Variants in KCTD16 observed in about 807,000 individuals in gnomAD.
The protein encoded by KCTD16 is potassium channel tetramerization domain containing 16, also known as BTB/POZ domain-containing protein KCTD16.
KCTD16 carries 13 observed loss-of-function variants against 33.2 expected under a neutral mutation model. The ratio of observed to expected loss-of-function variants is 0.39; its 90% CI spans 0.25 to 0.62. KCTD16 has a LOEUF of 0.62. Among genes scored for constraint, KCTD16 ranks in the 20% least tolerant of loss-of-function variants. KCTD16 has a pLI of 0.50. For synonymous variants in KCTD16, 197 were observed against 195.3 expected, an observed-to-expected ratio of 1.01 and a Z score of -0.07; for missense variants, 441 against 525.1, an observed-to-expected ratio of 0.84 and a Z score of 1.57.
intron 3 of KCTD16, among the ~76,000 whole-genome samples, chr5:144,391,222 C>T (rs759038979): frequency 5.5e-4 from 84 of 152,298 alleles, no homozygotes; most frequent in Non-Finnish European, 7.1e-4. Flanking sequence ...TATGTAACTC[C>T]TACCAAGCAC....
chr5:144,258,350 G>C (rs1754909328), intron 3 of KCTD16, among the ~76,000 whole-genome samples: 1 of 151,458 alleles, frequency 6.6e-6, no homozygotes, highest in African/African-American at 2.4e-5. Flanking sequence ...GTATAATATA[G>C]AGTACAGTTA....
chr5:144,218,607 C>G (rs922430459), intron 3 of KCTD16, among the ~76,000 whole-genome samples: 38 of 151,990 alleles, frequency 2.5e-4, no homozygotes, highest in African/African-American at 8.9e-4. Flanking sequence ...AGTGCTTTAG[C>G]CAAATCAGAG....
At chr5:144,416,423 A>C (rs73296040) in intron 3 of KCTD16, among the ~76,000 whole-genome samples, 1 of 152,054 alleles carries the variant, frequency 6.6e-6, no homozygotes, top group Non-Finnish European at 1.5e-5. Flanking sequence ...TCATTCTGAG[A>C]GTTTCTGAAG....
chr5:144,369,303 C>T (rs1428366761), intron 3 of KCTD16: 1 of 151,726 alleles, frequency 6.6e-6, no homozygotes, highest in African/African-American at 2.4e-5. Context: ...CCTGGTTTGG[C>T]TATTCACCCT....
At position 144,338,877 on chromosome 5, in the gene KCTD16, T is replaced by C. The variant is rs891311241; in HGVS notation, c.832+131331T>C. On this transcript the variant is annotated intron_variant, in intron 3 of 3. Coordinates refer to ENST00000512467, the MANE Select transcript of KCTD16 (RefSeq NM_020768.4). ...TCAGATTCTCCTCACTTTTATGAGA[T>C]CCTTTGGAACCAGAGAAAAGGGGCA... 2.0e-5 allele frequency among the ~76,000 whole-genome samples: 3 copies of C among 152,240 alleles called. No individual in the cohort carries two copies. In the East Asian group the frequency reaches 5.8e-4, roughly 29 times the overall value.
At chr5:144,174,044 C>A (rs1361740726) in intron 1 of KCTD16, among the ~76,000 whole-genome samples, 1 of 151,980 alleles carries the variant, frequency 6.6e-6, no homozygotes, top group Admixed American at 6.6e-5. Context: ...AAAGCCTCAC[C>A]CTAGGTCAAG....
chr5:144,236,093 T>G (rs1238931372), intron 3 of KCTD16, among the ~76,000 whole-genome samples: 1 of 152,134 alleles, frequency 6.6e-6, no homozygotes, highest in Non-Finnish European at 1.5e-5. Context: ...TTTTCCTGCA[T>G]GCTAGGAACT....
chr5:144,385,496 A>G (rs1752304211), intron 3 of KCTD16, among the ~76,000 whole-genome samples: 1 of 152,174 alleles, frequency 6.6e-6, no homozygotes, highest in Non-Finnish European at 1.5e-5. Context: ...AAGGGACCAA[A>G]TATGGACCAT....
chr5:144,309,931 A>C (rs1264240581), intron 3 of KCTD16, among the ~76,000 whole-genome samples: 2 of 152,092 alleles, frequency 1.3e-5, no homozygotes, highest in Non-Finnish European at 2.9e-5. Flanking sequence ...ACATGGTGTC[A>C]TTGTGTATAT....
rs1314627853 is a variant in KCTD16 at position 144,235,480 on chromosome 5, G to T, written c.832+27934G>T. 2.0e-5 allele frequency among the ~76,000 whole-genome samples: 3 copies of T among 152,008 alleles called. No individual in the cohort carries two copies. In the East Asian group the frequency reaches 5.8e-4, roughly 29 times the overall value. On this transcript the variant is annotated intron_variant, in intron 3 of 3. Transcript: ENST00000512467. ...TCATTCTACCATGCATTTCTTGCTT[G>T]ACCTTGTGCACACAAGTTACTTAAA...
chr5:144,439,151 G>T (rs1753644202), intron 3 of KCTD16: 1 of 167,546 alleles, frequency 6.0e-6, no homozygotes, highest in African/African-American at 2.4e-5. Flanking sequence ...TGGTGCTGCT[G>T]GGAGTTGCTT....
At chr5:144,467,728 A>G (rs1298253063) in intron 3 of KCTD16, among the ~76,000 whole-genome samples, 1 of 152,080 alleles carries the variant, frequency 6.6e-6, no homozygotes, top group African/African-American at 2.4e-5. Flanking sequence ...TTTAATTTTC[A>G]TTTCCTAGCT....
At chr5:144,270,811 A>T (rs1755272287) in intron 3 of KCTD16, among the ~76,000 whole-genome samples, 1 of 151,866 alleles carries the variant, frequency 6.6e-6, no homozygotes, top group African/African-American at 2.4e-5. Flanking sequence ...TACTCAAATT[A>T]CTAAAATCAG....
intron 3 of KCTD16, among the ~76,000 whole-genome samples, chr5:144,242,400 C>A (rs886239202): frequency 6.6e-6 from 1 of 152,000 alleles, no homozygotes. Flanking sequence ...AAATTATATA[C>A]TTTTTCCCTA....
rs370008361 is a variant in KCTD16 at position 144,444,050 on chromosome 5, T to A, written c.833-29610T>A. 2.2e-4 allele frequency among the ~76,000 whole-genome samples: 34 copies of A among 152,172 alleles called. No homozygotes were observed. The East Asian group carries it at 5.0e-3, about 22-fold the overall frequency. ...CCTTGACCAGATCTGGATTCCACTG[T>A]CTCCAAGGAGGCCTGGTTTATTTCA... On this transcript the variant is annotated intron_variant, in intron 3 of 3. Coordinates refer to ENST00000512467, the MANE Select transcript of KCTD16 (RefSeq NM_020768.4).
chr5:144,220,590 A>G (rs968307629), intron 3 of KCTD16, among the ~76,000 whole-genome samples: 21 of 152,138 alleles, frequency 1.4e-4, no homozygotes, highest in African/African-American at 4.6e-4. Context: ...GTGTTTATAC[A>G]TACACACTTA....
At chr5:144,469,382 A>G (rs535941346) in intron 3 of KCTD16, among the ~76,000 whole-genome samples, 1 of 152,308 alleles carries the variant, frequency 6.6e-6, no homozygotes, top group South Asian at 2.1e-4. Context: ...TCCAGCTGTA[A>G]CATCGGTGTC....
intron 3 of KCTD16, among the ~76,000 whole-genome samples, chr5:144,395,567 T>C (rs1240107896): frequency 6.6e-6 from 1 of 152,204 alleles, no homozygotes; most frequent in Non-Finnish European, 1.5e-5. Context: ...AGTAGTCTTC[T>C]CTATTCTTCC....
intron 3 of KCTD16, among the ~76,000 whole-genome samples, chr5:144,416,164 C>T (rs1298662311): frequency 1.3e-5 from 2 of 152,164 alleles, no homozygotes; most frequent in African/African-American, 4.8e-5. Flanking sequence ...GTTATGGATA[C>T]TGAATAATTC....
Sources: allele counts gnomAD v4.1 joint callset (sites outside exome capture counted in the v4.1 genomes callset), GRCh38; gene constraint gnomAD v4.1.1; transcripts MANE v1.5; gene names NCBI Gene and HGNC (gene_info 2026-07-23, HGNC 2026-07-21).